The following RNLS variants were observed in gnomAD, a reference collection of about 807,000 sequenced individuals.
The protein encoded by RNLS is renalase, FAD dependent amine oxidase, also known as renalase.
A neutral mutation model predicts 39.8 loss-of-function variants in RNLS; 39 were observed. That is an observed-to-expected ratio of 0.98 (90% CI 0.76 to 1.28). The LOEUF is 1.28. RNLS is among the 50% of genes most tolerant of loss of function. RNLS has a pLI of 0.00. For missense variants in RNLS, 410 were observed against 413.3 expected (o/e 0.99, Z 0.07); for synonymous variants, 147 against 150.7 (o/e 0.98, Z 0.18).
At chr10:88,407,702 GCCTAA>G (rs879454542) in intron 4 of RNLS, among the ~76,000 whole-genome samples, 2 of 152,014 alleles carry the variant, frequency 1.3e-5, no homozygotes, top group Non-Finnish European at 2.9e-5. Flanking sequence ...ACAGTTGCTG[GCCTAA>G]CCTAGGGAAT....
intron 4 of RNLS, among the ~76,000 whole-genome samples, chr10:88,566,304 A>T (rs1849500295): frequency 1.3e-5 from 2 of 152,024 alleles, no homozygotes; most frequent in South Asian, 4.1e-4. Context: ...TCATGGGTAT[A>T]TATTTACAAA....
intron 4 of RNLS, among the ~76,000 whole-genome samples, chr10:88,421,610 T>C (rs887931396): frequency 2.6e-5 from 4 of 152,204 alleles, no homozygotes; most frequent in African/African-American, 4.8e-5. Context: ...TTCTAATCCA[T>C]ATTGTATCTT....
chr10:88,183,246 A>G, the RNLS span, among the ~76,000 whole-genome samples: 1 of 152,154 alleles, frequency 6.6e-6, no homozygotes, highest in Non-Finnish European at 1.5e-5. Flanking sequence ...CAAATGAATT[A>G]ATGAATAAAG....
At chr10:88,195,151 C>A in the RNLS span, among the ~76,000 whole-genome samples, 2 of 152,176 alleles carry the variant, frequency 1.3e-5, no homozygotes, top group East Asian at 3.9e-4. Context: ...TTTTCCTGAC[C>A]CTGAATGAGA....
intron 6 of RNLS, among the ~76,000 whole-genome samples, chr10:88,277,481 AG>A (rs1842853633): frequency 1.3e-5 from 2 of 152,202 alleles, no homozygotes; most frequent in African/African-American, 4.8e-5. Flanking sequence ...GTATAATAAA[AG>A]AAAAAAAAAG....
intron 5 of RNLS, among the ~76,000 whole-genome samples, chr10:88,327,723 TATTGA>T: frequency 6.6e-6 from 1 of 152,294 alleles, no homozygotes; most frequent in East Asian, 1.9e-4. Flanking sequence ...ATTTTCTAGG[TATTGA>T]ATTGACATTT....
intron 4 of RNLS, among the ~76,000 whole-genome samples, chr10:88,437,494 G>C (rs1564798157): frequency 6.6e-6 from 1 of 152,100 alleles, no homozygotes; most frequent in Non-Finnish European, 1.5e-5. Flanking sequence ...TCCAATTCAA[G>C]GTTTACCCAG....
At chr10:88,512,543 T>C (rs574257696) in intron 4 of RNLS, among the ~76,000 whole-genome samples, 10 of 151,736 alleles carry the variant, frequency 6.6e-5, no homozygotes, top group African/African-American at 2.2e-4. Context: ...TCCTTCACCA[T>C]ACAGGATCAA....
At chr10:88,527,041 T>TCAGAAGACTTCTCAACCTCATCAAGG in intron 4 of RNLS, among the ~76,000 whole-genome samples, 1 of 152,148 alleles carries the variant, frequency 6.6e-6, no homozygotes, top group Non-Finnish European at 1.5e-5. Context: ...TCCTTTACAA[T>TCAGAAGACTTCTCAACCTCATCAAGG]CAGAAGACTT....
chr10:88,268,879 A>G (rs1842573994), downstream of RNLS, among the ~76,000 whole-genome samples: 1 of 152,358 alleles, frequency 6.6e-6, no homozygotes, highest in Non-Finnish European at 1.5e-5. Context: ...GGTGTGGCCA[A>G]TACAACATGA....
intron 5 of RNLS, among the ~76,000 whole-genome samples, chr10:88,360,626 T>C (rs554417684): frequency 2.0e-5 from 3 of 152,188 alleles, no homozygotes; most frequent in Admixed American, 1.3e-4. Flanking sequence ...TTAGTAGAGA[T>C]AGGGTTTCAT....
At chr10:88,207,175 A>C in the RNLS span, among the ~76,000 whole-genome samples, 61 of 152,318 alleles carry the variant, frequency 4.0e-4, no homozygotes, top group African/African-American at 1.4e-3. Flanking sequence ...AGAAACGAAG[A>C]TAAGTGGAAC....
intron 4 of RNLS, among the ~76,000 whole-genome samples, chr10:88,497,658 A>T (rs1845246568): frequency 6.6e-6 from 1 of 152,120 alleles, no homozygotes; most frequent in Non-Finnish European, 1.5e-5. Context: ...ATTACAAAGA[A>T]AAGATTTTTG....
At chr10:88,522,376 G>A (rs1294622422) in intron 4 of RNLS, among the ~76,000 whole-genome samples, 1 of 151,990 alleles carries the variant, frequency 6.6e-6, no homozygotes, top group Non-Finnish European at 1.5e-5. Context: ...GCAAATAGAT[G>A]CAATCAAAAA....
intron 4 of RNLS, among the ~76,000 whole-genome samples, chr10:88,490,465 G>A (rs935363118): frequency 1.1e-4 from 17 of 152,046 alleles, no homozygotes; most frequent in African/African-American, 2.2e-4. Flanking sequence ...ATTACTAAAC[G>A]AAATCAGATA....
chr10:88,369,438 T>C (rs1248339229), intron 4 of RNLS, among the ~76,000 whole-genome samples: 3 of 152,134 alleles, frequency 2.0e-5, no homozygotes, highest in Non-Finnish European at 4.4e-5. Flanking sequence ...TATTGATTCC[T>C]CCTGTTCCTT....
the RNLS span, among the ~76,000 whole-genome samples, chr10:88,202,447 A>T: frequency 2.7e-5 from 4 of 149,982 alleles, no homozygotes; most frequent in East Asian, 2.2e-4. Context: ...TTAAAGTATA[A>T]AAAAAAAATG....
chr10:88,213,786 T>A, the RNLS span, among the ~76,000 whole-genome samples: 1 of 152,216 alleles, frequency 6.6e-6, no homozygotes, highest in African/African-American at 2.4e-5. Flanking sequence ...TTGTACTGAT[T>A]CTTCATTTAA....
chr10:88,301,132 G>A (rs955652254), intron 6 of RNLS, among the ~76,000 whole-genome samples: 1 of 152,046 alleles, frequency 6.6e-6, no homozygotes, highest in Non-Finnish European at 1.5e-5. Context: ...AGTCCCAAGA[G>A]TATATGAGAA....
Sources: allele counts gnomAD v4.1 joint callset (sites outside exome capture counted in the v4.1 genomes callset), GRCh38; gene constraint gnomAD v4.1.1; transcripts MANE v1.5; gene names NCBI Gene and HGNC (gene_info 2026-07-23, HGNC 2026-07-21).